CCAR1: variants seen among roughly 807,000 people sequenced by gnomAD.
The protein encoded by CCAR1 is cell division cycle and apoptosis regulator 1.
Under a neutral mutation model 163.8 loss-of-function variants are expected in CCAR1, and 78 were observed. The observed-to-expected ratio is 0.48, with a 90% confidence interval of 0.40 to 0.57. The LOEUF (loss-of-function observed/expected upper bound fraction) is 0.57, where lower values mean the gene tolerates loss of function less well. Ranked by LOEUF, CCAR1 falls within the 20% of genes least tolerant of loss-of-function variation. The pLI is 0.00. For synonymous variants in CCAR1, 443 were observed against 460.7 expected (o/e 0.96, Z 0.49); for missense variants, 1,019 against 1,365.2 (o/e 0.75, Z 4.00).
At chr10:68,776,203 A>G (rs1363158835) in intron 19 of CCAR1, among the ~76,000 whole-genome samples, 1 of 151,162 alleles carries the variant, frequency 6.6e-6, no homozygotes, top group African/African-American at 2.4e-5. Flanking sequence ...AATGCTGTCT[A>G]TATACTGTTA....
In CCAR1 at chr10:68,774,741, G is replaced by A. The variant is rs192952004; in HGVS notation, c.2650+1642G>A. On this transcript the variant is annotated intron_variant, in intron 19 of 24. Coordinates refer to ENST00000265872, the MANE Select transcript of CCAR1 (RefSeq NM_018237.4). ...AGTAATAAACACCCATATACCTTTC[G>A]CCTAAGTTTTATAAGACAGACTTTG... Among the ~76,000 whole-genome samples the A allele has an allele frequency of 3.3e-5, 5 of 152,020 alleles. No individual in the cohort carries two copies. In the East Asian group the frequency reaches 5.8e-4, roughly 18 times the overall value.
intron 19 of CCAR1, among the ~76,000 whole-genome samples, chr10:68,774,641 A>C (rs1333973157): frequency 6.6e-6 from 1 of 152,138 alleles, no homozygotes; most frequent in Non-Finnish European, 1.5e-5. Context: ...AAAAAAAAAA[A>C]AAACTAATTT....
chr10:68,764,180 A>G (rs570237693), intron 16 of CCAR1, among the ~76,000 whole-genome samples: 2 of 152,262 alleles, frequency 1.3e-5, no homozygotes, highest in East Asian at 3.9e-4. Flanking sequence ...ACCCTATGCT[A>G]TCTCTGCATG....
intron 19 of CCAR1, among the ~76,000 whole-genome samples, chr10:68,773,875 G>C (rs1564548774): frequency 6.6e-6 from 1 of 151,700 alleles, no homozygotes; most frequent in Non-Finnish European, 1.5e-5. Context: ...ACCATTCCTG[G>C]CTAATTTTTA....
At chr10:68,754,134 A>G in intron 11 of CCAR1, 57 bp downstream of exon 11, 2 of 1,194,420 alleles carry the variant, frequency 1.7e-6, no homozygotes, top group Non-Finnish European at 2.4e-6. Context: ...TCATAATAAA[A>G]GGGTATGTAG....
At chr10:68,745,495 C>T (rs1337785168) in intron 6 of CCAR1, among the ~76,000 whole-genome samples, 1 of 150,806 alleles carries the variant, frequency 6.6e-6, no homozygotes, top group East Asian at 1.9e-4. Context: ...CCGAGTTTCG[C>T]TCTTGTTGCC....
chr10:68,731,777 G>T (rs2056043116), intron 2 of CCAR1, among the ~76,000 whole-genome samples: 2 of 151,820 alleles, frequency 1.3e-5, no homozygotes, highest in Middle Eastern at 3.2e-3. Flanking sequence ...TTTGAGTAGA[G>T]ATGGGGTTTC....
At chr10:68,775,203 A>ATTCC (rs1193131506) in intron 19 of CCAR1, among the ~76,000 whole-genome samples, 2 of 152,170 alleles carry the variant, frequency 1.3e-5, no homozygotes, top group East Asian at 3.8e-4. Flanking sequence ...CATGCTCTGA[A>ATTCC]ATAACCACAA....
intron 19 of CCAR1, among the ~76,000 whole-genome samples, chr10:68,781,985 G>A (rs768001919): frequency 8.5e-5 from 13 of 152,262 alleles, no homozygotes; most frequent in East Asian, 1.9e-4. Flanking sequence ...TTTTTTTGGC[G>A]TCAGTTAGCC....
chr10:68,783,921 A>AT (rs1331539196), intron 19 of CCAR1, among the ~76,000 whole-genome samples: 1 of 151,166 alleles, frequency 6.6e-6, no homozygotes, highest in Non-Finnish European at 1.5e-5. Context: ...CGCCTGGCAA[A>AT]TTTTTTTTAT....
intron 10 of CCAR1, among the ~76,000 whole-genome samples, chr10:68,749,907 C>T (rs2056308779): frequency 1.3e-5 from 2 of 152,080 alleles, no homozygotes; most frequent in South Asian, 2.1e-4. Flanking sequence ...GGCAGCCCCT[C>T]AAGGAAATTC....
At chr10:68,729,260 T>C (rs1273762670) in intron 2 of CCAR1, among the ~76,000 whole-genome samples, 1 of 151,608 alleles carries the variant, frequency 6.6e-6, no homozygotes, top group East Asian at 1.9e-4. Context: ...TTTTTGTTTT[T>C]TTGGGTTTTT....
At chr10:68,737,954 G>A in intron 4 of CCAR1, 65 bp downstream of exon 4, 3 of 1,082,938 alleles carry the variant, frequency 2.8e-6, no homozygotes, top group Non-Finnish European at 4.1e-6. Context: ...AAGTTCAATT[G>A]ATAGAGAGTT....
In CCAR1 at chr10:68,738,687, C is replaced by G. The variant is rs376843009; in HGVS notation, c.291+798C>G. On this transcript the variant is annotated intron_variant, in intron 4 of 24. Coordinates refer to ENST00000265872, the MANE Select transcript of CCAR1 (RefSeq NM_018237.4). ...TTATTTCTTTCAAGGAGTAGGACTC[C>G]TAGTCCCCTTCTTACTAATCAAATT... is the stretch of plus-strand genomic sequence containing the variant. Among the ~76,000 whole-genome samples, 34 of 152,000 alleles carry G rather than the reference C, an allele frequency of 2.2e-4. 1 individual carries two copies. Among genetic ancestry groups the G allele is most frequent in the Middle Eastern group, 3.4e-3 (1 of 294 alleles).
At position 68,792,349 on chromosome 10, in the gene CCAR1, C is replaced by T. The variant is rs957325519; in HGVS notation, c.*1083C>T. Reference sequence around the variant, plus strand: ...AGTATGATGCCTTAAATTAAGTCTTCTTTAATTAAAGATATTTTTTTAAAT... The same window carrying T: ...AGTATGATGCCTTAAATTAAGTCTTTTTTAATTAAAGATATTTTTTTAAAT... On this transcript the variant is annotated 3_prime_UTR_variant, in exon 25 of 25. Transcript: ENST00000265872. 6.6e-6 allele frequency: 1 copy of T among 152,098 alleles called. No individual in the cohort carries two copies. The highest frequency in any genetic ancestry group is 1.5e-5 in the Non-Finnish European group (1 of 68,026). The allele number at this position is 152,098 out of a possible 1,614,324, so 9.4% of individuals were successfully genotyped here. A position where few individuals can be genotyped will look rare whatever the true frequency, so the allele number is the denominator to read the frequency against.
intron 10 of CCAR1, among the ~76,000 whole-genome samples, chr10:68,750,206 T>C (rs1221857277): frequency 1.8e-5 from 1 of 54,762 alleles, no homozygotes; most frequent in East Asian, 3.9e-4. Context: ...ATTTCTTTTT[T>C]CTTTTTTCTT....
Position 68,747,462 on chromosome 10 carries a change from A to G in CCAR1, c.722A>G (p.Gln241Arg). ...CAGACAACATTTGGTGTTCAGACTC[A>G]GCCCCAGCCCCAGTCACTGCTGCAG... ...APQTTFGVQT[Q>R]PQPQSLLQAQ... is the part of the protein sequence containing the mutation. The change falls in exon 8 of 25, where the codon CAG (glutamine) becomes CGG (arginine). Residue 241 changes from glutamine (Q) to arginine (R), a missense_variant. Gln to Arg is a conservative substitution (Grantham distance 43). This residue lies in a region of CCAR1 where 644 missense variants were observed against 904.4 expected (regional missense o/e 0.71). Coordinates refer to ENST00000265872, the MANE Select transcript of CCAR1 (RefSeq NM_018237.4). 1 of 1,614,058 alleles carries G rather than the reference A, an allele frequency of 6.2e-7. No homozygotes were observed. The highest frequency in any genetic ancestry group is 8.5e-7 in the Non-Finnish European group (1 of 1,179,928).
intron 19 of CCAR1, among the ~76,000 whole-genome samples, chr10:68,778,026 C>T (rs1401449369): frequency 6.6e-6 from 1 of 152,120 alleles, no homozygotes; most frequent in Non-Finnish European, 1.5e-5. Flanking sequence ...CGAGACTAGC[C>T]TGACCAACAT....
intron 2 of CCAR1, among the ~76,000 whole-genome samples, chr10:68,734,684 G>A (rs2056084509): frequency 6.6e-6 from 1 of 152,044 alleles, no homozygotes; most frequent in African/African-American, 2.4e-5. Context: ...AAGCGTAAAT[G>A]CATTTAATTC....
Sources: gnomAD v4.1 joint callset for allele counts (sites outside exome capture counted in the v4.1 genomes callset) on GRCh38, gnomAD v4.1.1 for gene constraint, gnomAD v4.1.1 regional missense constraint, MANE v1.5 for transcripts, NCBI Gene and HGNC (gene_info 2026-07-23, HGNC 2026-07-21) for gene names.